The following CHRNA7 variants were observed in gnomAD, a reference collection of about 807,000 sequenced individuals.
CHRNA7 encodes neuronal acetylcholine receptor subunit alpha-7.
A neutral mutation model predicts 48.0 loss-of-function variants in CHRNA7; 17 were observed. That is an observed-to-expected ratio of 0.35 (90% confidence interval 0.24 to 0.53). The LOEUF is 0.53. Ranked by LOEUF, CHRNA7 falls within the 20% of genes least tolerant of loss-of-function variation. The pLI is 0.92. For missense variants in CHRNA7, 155 were observed against 577.7 expected (o/e 0.27, Z 7.50); for synonymous variants, 75 against 242.3 (o/e 0.31, Z 6.41).
chr15:32,055,455 G>A (rs183317292), intron 2 of CHRNA7, among the ~76,000 whole-genome samples: 26 of 152,282 alleles, frequency 1.7e-4, no homozygotes, highest in African/African-American at 6.0e-4. Flanking sequence ...GCTTCACAAC[G>A]TGGTGGAAGG....
intron 2 of CHRNA7, among the ~76,000 whole-genome samples, chr15:32,076,104 T>C (rs1248957348): frequency 6.6e-6 from 1 of 152,176 alleles, no homozygotes; most frequent in African/African-American, 2.4e-5. Flanking sequence ...CATTTTGGTA[T>C]GTACTCCATG....
intron 9 of CHRNA7, chr15:32,166,493 C>T (rs2052155421): frequency 6.6e-6 from 1 of 152,430 alleles, no homozygotes; most frequent in East Asian, 1.9e-4. Flanking sequence ...TGTTCTTGTC[C>T]CCAGACCTGT....
At chr15:32,118,360 A>C (rs536786540) in intron 4 of CHRNA7, among the ~76,000 whole-genome samples, 1 of 152,356 alleles carries the variant, frequency 6.6e-6, no homozygotes, top group African/African-American at 2.4e-5. Context: ...CTAAGACAGT[A>C]GTAGTTCCAG....
chr15:32,050,006 G>A (rs989572672), intron 2 of CHRNA7, among the ~76,000 whole-genome samples: 3 of 152,184 alleles, frequency 2.0e-5, no homozygotes, highest in Admixed American at 6.5e-5. Flanking sequence ...AGTTTCTGCC[G>A]AGAGATCCGC....
intron 2 of CHRNA7, among the ~76,000 whole-genome samples, chr15:32,077,904 C>A (rs541715973): frequency 3.3e-5 from 5 of 152,154 alleles, no homozygotes; most frequent in Non-Finnish European, 7.3e-5. Context: ...AGTGGTAACT[C>A]ATTACCAGGA....
chr15:32,055,182 A>G (rs1310860257), intron 2 of CHRNA7, among the ~76,000 whole-genome samples: 4 of 151,382 alleles, frequency 2.6e-5, no homozygotes, highest in Admixed American at 2.6e-4. Flanking sequence ...ATTTTGATAT[A>G]TTATTTTGAG....
intron 3 of CHRNA7, among the ~76,000 whole-genome samples, chr15:32,105,136 A>G (rs2050641739): frequency 6.6e-6 from 1 of 152,242 alleles, no homozygotes; most frequent in South Asian, 2.1e-4. Context: ...ATTTTAATTA[A>G]GGCTTACATT....
intron 4 of CHRNA7, among the ~76,000 whole-genome samples, chr15:32,117,082 G>A (rs1267042840): frequency 6.6e-6 from 1 of 152,186 alleles, no homozygotes; most frequent in Admixed American, 6.5e-5. Flanking sequence ...GGATTCCTGA[G>A]CATGTAGCTT....
intron 2 of CHRNA7, among the ~76,000 whole-genome samples, chr15:32,032,075 G>A (rs112331174): frequency 1.5e-3 from 224 of 152,254 alleles, no homozygotes; most frequent in African/African-American, 5.1e-3. Context: ...ACAGTTACCC[G>A]CACTATCATG....
chr15:32,060,144 A>C (rs1031719119), intron 2 of CHRNA7, among the ~76,000 whole-genome samples: 11 of 152,110 alleles, frequency 7.2e-5, no homozygotes, highest in Admixed American at 2.6e-4. Context: ...ATTAAGCCTA[A>C]TTGTCAGTTG....
At chr15:32,038,073 A>ATATAT (rs1385432192) in intron 2 of CHRNA7, among the ~76,000 whole-genome samples, 20 of 90,390 alleles carry the variant, frequency 2.2e-4, no homozygotes, top group Non-Finnish European at 4.4e-4. Flanking sequence ...TATATATATA[A>ATATAT]ATATACATAT....
chr15:32,042,117 AAATT>A (rs2049459779), intron 2 of CHRNA7, among the ~76,000 whole-genome samples: 1 of 87,538 alleles, frequency 1.1e-5, no homozygotes, highest in African/African-American at 2.7e-5. Context: ...GAACTGCTGT[AAATT>A]AATAAGTTAC....
intron 2 of CHRNA7, among the ~76,000 whole-genome samples, chr15:32,075,005 CTATTTAAGTTTT>C (rs1177500454): frequency 6.6e-6 from 1 of 152,064 alleles, no homozygotes; most frequent in African/African-American, 2.4e-5. Flanking sequence ...TTTGCCTTTT[CTATTTAAGTTTT>C]ATATTGATTG....
rs564504813 is a variant in CHRNA7, at chr15:32,148,342, C to T, written c.351-5565C>T. Among the ~76,000 whole-genome samples the T allele has an allele frequency of 3.7e-4, 57 of 152,230 alleles. No homozygotes were observed. The South Asian group carries it at 9.6e-3, about 26-fold the overall frequency. ...CTTTTTCTCTCAAGGTTATAAGAGC[C>T]GGGCTTCTGGGTCAGATGATGCTTT... On this transcript the variant is annotated intron_variant, in intron 4 of 9. Coordinates refer to ENST00000306901, the MANE Select transcript of CHRNA7 (RefSeq NM_000746.6).
chr15:32,050,517 C>A (rs1333918886), intron 2 of CHRNA7, among the ~76,000 whole-genome samples: 1 of 152,164 alleles, frequency 6.6e-6, no homozygotes, highest in Admixed American at 6.5e-5. Context: ...AAGAACTTCT[C>A]TGTATTGGTT....
chr15:32,147,937 G>T (rs1029942861), intron 4 of CHRNA7, among the ~76,000 whole-genome samples: 1 of 152,158 alleles, frequency 6.6e-6, no homozygotes, highest in African/African-American at 2.4e-5. Context: ...TTGGGGAATT[G>T]GCAGCTTTTT....
At chr15:32,101,967 G>C (rs993885701) in intron 3 of CHRNA7, 1 of 152,114 alleles carries the variant, frequency 6.6e-6, no homozygotes, top group Admixed American at 6.5e-5. Context: ...ATAATTTGGT[G>C]CCCATCTCAT....
intron 2 of CHRNA7, among the ~76,000 whole-genome samples, chr15:32,046,884 A>G (rs993227306): frequency 6.6e-6 from 1 of 151,962 alleles, no homozygotes; most frequent in African/African-American, 2.4e-5. Context: ...AGCTTTCTAC[A>G]CATGGCTAGC....
chr15:32,150,470 T>C (rs139999157), intron 4 of CHRNA7, among the ~76,000 whole-genome samples: 2 of 152,298 alleles, frequency 1.3e-5, no homozygotes, highest in Non-Finnish European at 2.9e-5. Flanking sequence ...TTTAATTTTT[T>C]AAAAGCAATG....
Sources: gnomAD v4.1 joint callset for allele counts (sites outside exome capture counted in the v4.1 genomes callset) on GRCh38, gnomAD v4.1.1 for gene constraint, MANE v1.5 for transcripts, NCBI Gene and HGNC (gene_info 2026-07-23, HGNC 2026-07-21) for gene names.